PNLDC1: variants seen among roughly 807,000 people sequenced by gnomAD.
The protein encoded by PNLDC1 is PARN like ribonuclease domain containing exonuclease 1, also known as poly(A)-specific ribonuclease PNLDC1.
Under a neutral mutation model 82.0 loss-of-function variants are expected in PNLDC1, and 70 were observed. The ratio of observed to expected loss-of-function variants is 0.85; its 90% CI spans 0.70 to 1.04. The LOEUF is 1.04. Ranked by LOEUF, PNLDC1 falls within the 50% of genes least tolerant of loss-of-function variation. PNLDC1 has a pLI of 0.00. For synonymous variants in PNLDC1, 280 were observed against 249.3 expected (o/e 1.12, Z -1.16); for missense variants, 631 against 661.1 (o/e 0.95, Z 0.50).
At chr6:159,808,300 T>C (rs1320555366) in intron 7 of PNLDC1, among the ~76,000 whole-genome samples, 1 of 152,228 alleles carries the variant, frequency 6.6e-6, no homozygotes, top group Non-Finnish European at 1.5e-5. Flanking sequence ...AGCCAAATAT[T>C]AGAGATTTGC....
Position 159,806,065 on chromosome 6 carries a change from A to C in PNLDC1, c.544A>C (p.Thr182Pro). 2 of 1,613,626 alleles carry C rather than the reference A, an allele frequency of 1.2e-6. No individual in the cohort carries two copies. The highest frequency in any genetic ancestry group is 1.7e-6 in the Non-Finnish European group (2 of 1,179,746). The change falls in exon 7 of 19, where the codon ACT becomes CCT. Residue 182 changes from threonine (T) to proline (P), a missense_variant. Thr to Pro is a conservative substitution (Grantham distance 38, BLOSUM62 -1). Transcript: ENST00000392167. ...GCTGGCCAAGGAAGGCGACTGGATG[A>C]CTCTTCCTGGGATCACTGGTAGGCA... ...LELAKEGDWM[T>P]LPGITGFQAF...
chr6:159,807,048 A>G (rs1424910200), intron 7 of PNLDC1, among the ~76,000 whole-genome samples: 3 of 152,268 alleles, frequency 2.0e-5, no homozygotes, highest in South Asian at 2.1e-4. Context: ...GCCTGCCACC[A>G]TGCCCGGCTA....
chr6:159,803,343 C>A, intron 4 of PNLDC1, 33 bp downstream of exon 4: 1 of 1,589,496 alleles, frequency 6.3e-7, no homozygotes, highest in Non-Finnish European at 8.6e-7. Context: ...AACATAGGTG[C>A]TTCCCACCTA....
chr6:159,802,601 G>T (rs971998748), intron 3 of PNLDC1, among the ~76,000 whole-genome samples: 2 of 151,730 alleles, frequency 1.3e-5, no homozygotes, highest in Admixed American at 1.3e-4. Context: ...GGGGAAGGGG[G>T]ACAGAGTCTT....
rs569635256 is a variant in PNLDC1 at position 159,808,495 on chromosome 6, C to T, written c.563-245C>T. ...GCTGTAACTCACATAAACACAAGCT[C>T]TATGGCATCCCCAACTTAAGAGTGG... On this transcript the variant is annotated intron_variant, in intron 7 of 18. Transcript: ENST00000392167. Among the ~76,000 whole-genome samples the T allele has an allele frequency of 4.7e-5, 7 of 149,000 alleles. No individual in the cohort carries two copies. The South Asian group carries it at 1.5e-3, about 32-fold the overall frequency.
intron 13 of PNLDC1, among the ~76,000 whole-genome samples, 185 bp downstream of exon 13, chr6:159,816,218 G>C (rs1398923056): frequency 1.7e-4 from 7 of 40,118 alleles, no homozygotes; most frequent in Non-Finnish European, 3.7e-4. Context: ...CAGCAGGGGA[G>C]GGGGAGGTTT....
chr6:159,800,916 C>A, intron 2 of PNLDC1, 87 bp downstream of exon 2: 1 of 1,591,452 alleles, frequency 6.3e-7, no homozygotes, highest in Non-Finnish European at 8.6e-7. Context: ...ATTTGGGGGG[C>A]AGGACGTTTT....
intron 9 of PNLDC1, among the ~76,000 whole-genome samples, 195 bp downstream of exon 9, chr6:159,809,353 C>T (rs1426777574): frequency 1.3e-5 from 2 of 152,088 alleles, no homozygotes; most frequent in Non-Finnish European, 2.9e-5. Context: ...GGCATGAACA[C>T]GGTTCACTGC....
At chr6:159,803,471 A>G (rs1253541528) in intron 4 of PNLDC1, 161 bp downstream of exon 4, 1 of 645,032 alleles carries the variant, frequency 1.6e-6, no homozygotes, top group Non-Finnish European at 2.7e-6. Context: ...TGCGGATTCC[A>G]GCTTGTCTTT....
chr6:159,802,420 T>C (rs1191479887), intron 3 of PNLDC1, among the ~76,000 whole-genome samples: 1 of 152,120 alleles, frequency 6.6e-6, no homozygotes, highest in African/African-American at 2.4e-5. Context: ...CTGCTTTTAC[T>C]ATGAATGATG....
At chr6:159,806,808 T>C (rs1781464080) in intron 7 of PNLDC1, among the ~76,000 whole-genome samples, 1 of 152,030 alleles carries the variant, frequency 6.6e-6, no homozygotes, top group African/African-American at 2.4e-5. Context: ...GCATAAAACA[T>C]TCCTTAGGTG....
At chr6:159,810,569 G>A (rs12193936) in intron 10 of PNLDC1, among the ~76,000 whole-genome samples, 1,745 of 152,278 alleles carry the variant, frequency 0.011, 18 homozygotes, top group Middle Eastern at 0.068. Flanking sequence ...GTCCCCTACT[G>A]TTTCATGGTT....
At position 159,803,308 on chromosome 6, in the gene PNLDC1, CAAGTAT is replaced by C; in HGVS notation, c.247_248+4del. ...TTTCCGCTATTGAAGGAGAGGCAAA[CAAGTAT>C]GTATCAAGAGCTTCTGCAAACATAG... On this transcript the variant is annotated splice_donor_variant and splice_donor_region_variant and coding_sequence_variant and intron_variant, in exon 4 of 19. Coordinates refer to ENST00000392167, the MANE Select transcript of PNLDC1 (RefSeq NM_001271862.2). LOFTEE classifies it high-confidence loss of function. 2 of 1,613,450 alleles carry C rather than the reference CAAGTAT, an allele frequency of 1.2e-6. No homozygotes were observed. Among genetic ancestry groups the C allele is most frequent in the Non-Finnish European group, 1.7e-6 (2 of 1,179,430 alleles).
chr6:159,808,069 A>G (rs1023518685), intron 7 of PNLDC1, among the ~76,000 whole-genome samples: 2 of 152,214 alleles, frequency 1.3e-5, no homozygotes, highest in Non-Finnish European at 2.9e-5. Flanking sequence ...ATCTGCCACC[A>G]TGCCTGGCTA....
At chr6:159,804,949 A>G (rs1002590523) in intron 6 of PNLDC1, among the ~76,000 whole-genome samples, 1 of 152,242 alleles carries the variant, frequency 6.6e-6, no homozygotes, top group Non-Finnish European at 1.5e-5. Flanking sequence ...CCAGTGCTAG[A>G]GGGGAAGAAA....
intron 14 of PNLDC1, among the ~76,000 whole-genome samples, 199 bp downstream of exon 14, chr6:159,816,795 G>A (rs1182515679): frequency 6.6e-6 from 1 of 152,028 alleles, no homozygotes; most frequent in Non-Finnish European, 1.5e-5. Flanking sequence ...ACCATGCCTG[G>A]CTGGGAATAC....
At chr6:159,811,656 C>G (rs1339370125) in intron 10 of PNLDC1, 45 bp from the exon 11 acceptor site, 1 of 1,501,908 alleles carries the variant, frequency 6.7e-7, no homozygotes, top group East Asian at 2.3e-5. Flanking sequence ...CCCATTTTTG[C>G]CAACAAACAA....
chr6:159,805,397 A>G (rs1781410835), intron 6 of PNLDC1, among the ~76,000 whole-genome samples: 1 of 152,210 alleles, frequency 6.6e-6, no homozygotes, highest in African/African-American at 2.4e-5. Flanking sequence ...GCGATGAGTG[A>G]TGATCTCTTC....
intron 6 of PNLDC1, 78 bp downstream of exon 6, chr6:159,804,715 T>G: frequency 1.8e-6 from 2 of 1,097,066 alleles, no homozygotes; most frequent in Non-Finnish European, 2.7e-6. Context: ...GCGTGCCGTT[T>G]CCAGGAGTGT....
Sources: allele counts gnomAD v4.1 joint callset (sites outside exome capture counted in the v4.1 genomes callset), GRCh38; gene constraint gnomAD v4.1.1; transcripts MANE v1.5; gene names NCBI Gene and HGNC (gene_info 2026-07-23, HGNC 2026-07-21).